Variants in SHC3 observed in about 807,000 individuals in gnomAD.
SHC3 encodes the protein SHC-transforming protein 3.
In SHC3, 15 loss-of-function variants were observed where a neutral mutation model predicts 60.4. The ratio of observed to expected loss-of-function variants is 0.25; its 90% CI spans 0.17 to 0.38. The LOEUF (loss-of-function observed/expected upper bound fraction) is 0.38. SHC3 is among the 10% of genes least tolerant of loss of function. The pLI is 1.00. For synonymous variants in SHC3, 294 were observed against 325.9 expected, an observed-to-expected ratio of 0.90 and a Z score of 1.05; for missense variants, 677 against 786.1, an observed-to-expected ratio of 0.86 and a Z score of 1.66.
intron 4 of SHC3, among the ~76,000 whole-genome samples, chr9:89,072,959 C>A (rs1411680066): frequency 6.6e-6 from 1 of 152,116 alleles, no homozygotes; most frequent in Non-Finnish European, 1.5e-5. Context: ...GATCTAGAAA[C>A]CCCTGAGTAC....
Position 89,087,347 on chromosome 9 carries a change from A to C in SHC3, c.546-9444T>G, listed in dbSNP as rs563735971. Among the ~76,000 whole-genome samples, 14 of 152,318 alleles carry C rather than the reference A, an allele frequency of 9.2e-5. 1 individual carries two copies. The highest frequency in any genetic ancestry group is 2.9e-4 in the African/African-American group (12 of 41,560). On this transcript the variant is annotated intron_variant, in intron 2 of 11. Transcript: ENST00000375835. ...CAACACTGGCCCCTACATTAGGAGAAACTAATGTGGAAATACTCTGTGAGA... is the reference window on the plus strand; with the variant it reads ...CAACACTGGCCCCTACATTAGGAGACACTAATGTGGAAATACTCTGTGAGA...
At chr9:89,083,488 T>C (rs1211935814) in intron 2 of SHC3, among the ~76,000 whole-genome samples, 2 of 152,166 alleles carry the variant, frequency 1.3e-5, no homozygotes, top group Non-Finnish European at 2.9e-5. Context: ...TTTCAGGATA[T>C]GCCAAGGAGC....
intron 1 of SHC3, among the ~76,000 whole-genome samples, chr9:89,156,127 T>A (rs1476326035): frequency 1.3e-5 from 2 of 152,198 alleles, no homozygotes; most frequent in Non-Finnish European, 2.9e-5. Flanking sequence ...GGCTAGGTCA[T>A]AAAATCTATT....
intron 1 of SHC3, among the ~76,000 whole-genome samples, chr9:89,122,876 G>A (rs1459561793): frequency 6.6e-6 from 1 of 152,162 alleles, no homozygotes; most frequent in African/African-American, 2.4e-5. Context: ...CTTGCTTCCC[G>A]ATCAGCATAG....
intron 8 of SHC3, among the ~76,000 whole-genome samples, chr9:89,046,346 G>A (rs570580859): frequency 2.6e-5 from 4 of 152,032 alleles, no homozygotes; most frequent in African/African-American, 7.2e-5. Context: ...AGGTAGTAAC[G>A]TTAAAAAATT....
rs147540007 is a variant in SHC3, at chr9:89,042,755, C to A, written c.1202-571G>T. 6.0e-3 allele frequency among the ~76,000 whole-genome samples: 919 copies of A among 152,256 alleles called. 5 individuals carry two copies. Among genetic ancestry groups the A allele is most frequent in the Non-Finnish European group, 9.9e-3 (672 of 68,008 alleles). On this transcript the variant is annotated intron_variant, in intron 9 of 11. Coordinates refer to ENST00000375835, the MANE Select transcript of SHC3 (RefSeq NM_016848.6). ...CCAGGGTGGGTGTGCAAGTGAAGAGCCCCCTCTGCTGAGGCAGTGATGCTG... is the reference window on the plus strand; with the variant it reads ...CCAGGGTGGGTGTGCAAGTGAAGAGACCCCTCTGCTGAGGCAGTGATGCTG...
chr9:89,088,142 C>T (rs1235794603), intron 2 of SHC3, among the ~76,000 whole-genome samples: 1 of 152,160 alleles, frequency 6.6e-6, no homozygotes, highest in African/African-American at 2.4e-5. Flanking sequence ...AAGCCTGCTA[C>T]CTGGAAGCTT....
chr9:89,107,352 G>T (rs2118098431), intron 2 of SHC3, among the ~76,000 whole-genome samples: 1 of 152,318 alleles, frequency 6.6e-6, no homozygotes, highest in East Asian at 1.9e-4. Context: ...TGGTCCCTGA[G>T]GACTCATAAT....
At chr9:89,135,600 TAG>T (rs998826141) in intron 1 of SHC3, among the ~76,000 whole-genome samples, 2 of 152,056 alleles carry the variant, frequency 1.3e-5, no homozygotes, top group African/African-American at 4.8e-5. Flanking sequence ...AGTGGGATAA[TAG>T]AGAGAGAGAA....
chr9:89,040,331 T>C (rs1824668936), intron 10 of SHC3, among the ~76,000 whole-genome samples: 1 of 140,578 alleles, frequency 7.1e-6, no homozygotes, highest in Middle Eastern at 3.5e-3. Context: ...TGGTTCAAAA[T>C]AAAGAACACA....
At chr9:89,097,126 A>C (rs1300130401) in intron 2 of SHC3, among the ~76,000 whole-genome samples, 3 of 151,522 alleles carry the variant, frequency 2.0e-5, no homozygotes, top group Non-Finnish European at 2.9e-5. Context: ...AAAAAAAAAA[A>C]AAAAAAAACA....
chr9:89,042,184 C>G lies in SHC3; in HGVS notation c.1202G>C (p.Gly401Ala), dbSNP rs922840283. Residue 401 changes from glycine (G) to alanine (A), a missense_variant and splice_region_variant, in exon 10 of 12, where the codon GGG becomes GCG. Physicochemically the swap from Gly to Ala is moderately conservative, Grantham distance 60. Coordinates refer to ENST00000375835, the MANE Select transcript of SHC3 (RefSeq NM_016848.6). ...TGGCGTGCTGTAGATGTCCGAGGACCCTGCAACAAGAAAGTGAGCCCCTTT... is the reference window on the plus strand; with the variant it reads ...TGGCGTGCTGTAGATGTCCGAGGACGCTGCAACAAGAAAGTGAGCCCCTTT... ...EDWQQTPLRQGSSDIYSTPEG... is the reference protein window; with the variant it reads ...EDWQQTPLRQASSDIYSTPEG... 2 of 1,496,704 alleles carry G rather than the reference C, an allele frequency of 1.3e-6. No homozygotes were observed. The highest frequency in any genetic ancestry group is 8.9e-7 in the Non-Finnish European group (1 of 1,128,252). 92.7% of individuals were successfully genotyped at this position (1,496,704 alleles called of 1,614,324 possible). A position where few individuals can be genotyped will look rare whatever the true frequency, so the allele number is the denominator to read the frequency against.
At chr9:89,037,500 T>A (rs75048868) in intron 11 of SHC3, 60,832 of 715,372 alleles carry the variant, frequency 0.085, 5,373 homozygotes, top group African/African-American at 0.37. Flanking sequence ...GTGCCAGGGA[T>A]GGCCAACATC....
In SHC3 at chr9:89,042,022, C is replaced by T; in HGVS notation, c.1360+4G>A. The T allele has an allele frequency of 5.0e-6, 8 of 1,613,608 alleles. No homozygotes were observed. Among genetic ancestry groups the T allele is most frequent in the South Asian group, 1.1e-5 (1 of 90,996 alleles). Reference sequence around the variant, plus strand: ...AAGAAAACCAGAGACAAACAGAAACCCACTCATGTCAAAGAGGTCTTTCCT... The same window carrying T: ...AAGAAAACCAGAGACAAACAGAAACTCACTCATGTCAAAGAGGTCTTTCCT... On this transcript the variant is annotated splice_donor_region_variant and intron_variant, in intron 10 of 11. Transcript: ENST00000375835.
intron 2 of SHC3, among the ~76,000 whole-genome samples, chr9:89,078,611 G>A (rs966436313): frequency 2.6e-5 from 4 of 152,122 alleles, no homozygotes; most frequent in Admixed American, 2.6e-4. Flanking sequence ...TTCTGCATGG[G>A]GCAGGAGGAC....
intron 1 of SHC3, among the ~76,000 whole-genome samples, chr9:89,120,021 G>A (rs992820606): frequency 1.3e-5 from 2 of 152,188 alleles, no homozygotes; most frequent in Non-Finnish European, 2.9e-5. Flanking sequence ...CTAGCCCAGC[G>A]CCATTGTGCA....
In SHC3 at chr9:89,112,404, A is replaced by G. The variant is rs371245379; in HGVS notation, c.545+152T>C. 4.2e-5 allele frequency: 29 copies of G among 692,122 alleles called. 2 individuals carry two copies. In the Admixed American group the frequency reaches 4.5e-4, roughly 11 times the overall value. 42.9% of individuals were successfully genotyped at this position (692,122 alleles called of 1,614,324 possible). On this transcript the variant is annotated intron_variant, in intron 2 of 11. Coordinates refer to ENST00000375835, the MANE Select transcript of SHC3 (RefSeq NM_016848.6). ...ATCACAAACATGGACTAACAAGCAC[A>G]TGTCTTGAGATGAGGACAGTACTGA... is the stretch of plus-strand genomic sequence containing the variant.
intron 1 of SHC3, among the ~76,000 whole-genome samples, chr9:89,156,041 G>A (rs992964849): frequency 6.6e-6 from 1 of 152,064 alleles, no homozygotes; most frequent in Non-Finnish European, 1.5e-5. Context: ...CCCTTATAGA[G>A]TGCCCTCCCC....
At chr9:89,072,696 C>G (rs1293819676) in intron 4 of SHC3, among the ~76,000 whole-genome samples, 4 of 152,100 alleles carry the variant, frequency 2.6e-5, no homozygotes, top group African/African-American at 9.7e-5. Flanking sequence ...AATGTAATGA[C>G]ATTGAAGTAA....
Sources: allele counts gnomAD v4.1 joint callset (sites outside exome capture counted in the v4.1 genomes callset), GRCh38; gene constraint gnomAD v4.1.1; transcripts MANE v1.5; gene names NCBI Gene and HGNC (gene_info 2026-07-23, HGNC 2026-07-21).